NALCN: variants seen among roughly 807,000 people sequenced by gnomAD.
NALCN encodes the protein sodium leak channel NALCN.
NALCN carries 111 observed loss-of-function variants against 225.3 expected under a neutral mutation model. That is an observed-to-expected ratio of 0.49 (90% confidence interval 0.42 to 0.58). NALCN has a LOEUF of 0.58. NALCN is among the 20% of genes least tolerant of loss of function. The pLI, the probability that NALCN is intolerant of heterozygous loss-of-function variation, is 0.00. For synonymous variants in NALCN, 764 were observed against 769.0 expected (o/e 0.99, Z 0.11); for missense variants, 1,378 against 2,202.4 (o/e 0.63, Z 7.49).
intron 15 of NALCN, among the ~76,000 whole-genome samples, chr13:101,170,685 T>C (rs1388775489): frequency 2.0e-5 from 3 of 152,194 alleles, no homozygotes; most frequent in Non-Finnish European, 2.9e-5. Context: ...TATCCAACAC[T>C]ATGCAGTGGA....
chr13:101,262,037 C>G (rs1462736138), intron 10 of NALCN, among the ~76,000 whole-genome samples: 1 of 152,128 alleles, frequency 6.6e-6, no homozygotes, highest in Admixed American at 6.5e-5. Context: ...CCCAGTTTTG[C>G]TGAGGGGTTT....
chr13:101,380,575 A>G (rs1343829153), intron 3 of NALCN, among the ~76,000 whole-genome samples: 1 of 152,214 alleles, frequency 6.6e-6, no homozygotes, highest in African/African-American at 2.4e-5. Context: ...TCCTCTGATT[A>G]AACCTGCTAG....
At chr13:101,122,643 A>C (rs1401493168) in intron 18 of NALCN, among the ~76,000 whole-genome samples, 1 of 152,272 alleles carries the variant, frequency 6.6e-6, no homozygotes, top group Non-Finnish European at 1.5e-5. Flanking sequence ...GCTTGAAAAT[A>C]ATTTTAAGAA....
At chr13:101,153,771 T>TC (rs1271019679) in intron 15 of NALCN, among the ~76,000 whole-genome samples, 1 of 152,210 alleles carries the variant, frequency 6.6e-6, no homozygotes, top group East Asian at 1.9e-4. Context: ...CTTAGTTTTT[T>TC]CCCTTTAAAC....
intron 14 of NALCN, among the ~76,000 whole-genome samples, chr13:101,186,388 C>T (rs767919178): frequency 2.6e-5 from 4 of 152,102 alleles, no homozygotes; most frequent in Non-Finnish European, 5.9e-5. Flanking sequence ...AGGTTAGTAC[C>T]TGCACGTGGT....
At chr13:101,180,107 CT>C (rs2039132344) in intron 14 of NALCN, among the ~76,000 whole-genome samples, 3 of 151,692 alleles carry the variant, frequency 2.0e-5, no homozygotes, top group Non-Finnish European at 2.9e-5. Flanking sequence ...TGCAAAGACT[CT>C]TTTTCCAATA....
chr13:101,100,317 C>T (rs942275573), intron 27 of NALCN, among the ~76,000 whole-genome samples: 5 of 152,318 alleles, frequency 3.3e-5, no homozygotes, highest in East Asian at 1.9e-4. Context: ...CCAAAGCTTA[C>T]AGCTGTAAAC....
intron 11 of NALCN, among the ~76,000 whole-genome samples, chr13:101,240,249 G>T (rs1276749111): frequency 6.6e-6 from 1 of 151,678 alleles, no homozygotes; most frequent in Non-Finnish European, 1.5e-5. Flanking sequence ...TCATATCCAG[G>T]AATGCACTCT....
Position 101,374,338 on chromosome 13 carries a change from C to T in NALCN, c.644+2362G>A, listed in dbSNP as rs188169325. Among the ~76,000 whole-genome samples the T allele has an allele frequency of 2.6e-3, 383 of 145,184 alleles. 2 individuals carry two copies. Among genetic ancestry groups the T allele is most frequent in the Non-Finnish European group, 3.1e-3 (207 of 67,238 alleles). ...TGGTCCAGGCTGGAGTGCAGTGGCG[C>T]GATCTCAGCTCACTGCAACCTCCGC... is the stretch of plus-strand genomic sequence containing the variant. On this transcript the variant is annotated intron_variant, in intron 6 of 43. Coordinates refer to ENST00000251127, the MANE Select transcript of NALCN (RefSeq NM_052867.4).
At chr13:101,263,956 C>T (rs1485970466) in intron 10 of NALCN, among the ~76,000 whole-genome samples, 1 of 152,180 alleles carries the variant, frequency 6.6e-6, no homozygotes, top group East Asian at 1.9e-4. Context: ...GATGACATTA[C>T]ATTTAGATTC....
intron 7 of NALCN, among the ~76,000 whole-genome samples, chr13:101,322,378 G>A (rs1204535890): frequency 6.6e-6 from 1 of 152,176 alleles, no homozygotes; most frequent in Non-Finnish European, 1.5e-5. Context: ...ACATACACAT[G>A]CTAGGCTAAG....
chr13:101,181,410 TTGTG>T (rs934494599), intron 14 of NALCN: 24 of 495,100 alleles, frequency 4.8e-5, no homozygotes, highest in Admixed American at 4.8e-4. Flanking sequence ...CTGGGGCTTT[TTGTG>T]TGTGTGTTTT....
chr13:101,058,086 G>A lies in NALCN; in HGVS notation c.4906-30C>T, dbSNP rs200555899. The A allele has an allele frequency of 1.7e-4, 271 of 1,586,656 alleles. 1 individual carries two copies. Among genetic ancestry groups the A allele is most frequent in the Middle Eastern group, 1.5e-3 (9 of 5,984 alleles). ...ATGGGAGGAGAAGCACACAGTTACC[G>A]TCTTTTTAACCCTGCGCTCTCCTCC... On this transcript the variant is annotated intron_variant, in intron 42 of 43. Coordinates refer to ENST00000251127, the MANE Select transcript of NALCN (RefSeq NM_052867.4).
In NALCN at chr13:101,373,337, C is replaced by G. The variant is rs546963785; in HGVS notation, c.644+3363G>C. 2.6e-5 allele frequency among the ~76,000 whole-genome samples: 4 copies of G among 152,104 alleles called. No individual in the cohort carries two copies. The South Asian group carries it at 8.3e-4, about 32-fold the overall frequency. On this transcript the variant is annotated intron_variant, in intron 6 of 43. Coordinates refer to ENST00000251127, the MANE Select transcript of NALCN (RefSeq NM_052867.4). The stretch of plus-strand genomic sequence containing the variant: ...ACAGCATTACCCGGATTTCAAGACC[C>G]GGTAAAGATATTTCAATTTAAAAAA...
chr13:101,172,193 C>T (rs536319468), intron 15 of NALCN, among the ~76,000 whole-genome samples: 1 of 152,172 alleles, frequency 6.6e-6, no homozygotes, highest in African/African-American at 2.4e-5. Context: ...GCTTCTCTTC[C>T]AGGAGAACAC....
intron 13 of NALCN, among the ~76,000 whole-genome samples, chr13:101,210,598 G>C (rs1164911334): frequency 6.6e-6 from 1 of 152,126 alleles, no homozygotes; most frequent in East Asian, 1.9e-4. Context: ...TGGAATTGGG[G>C]ACTATTTTTA....
chr13:101,264,855 G>T (rs1420880401), intron 10 of NALCN, among the ~76,000 whole-genome samples: 2 of 152,092 alleles, frequency 1.3e-5, no homozygotes, highest in African/African-American at 4.8e-5. Flanking sequence ...AATCTGTTTG[G>T]CTTCATAAAA....
At chr13:101,217,920 G>A (rs2040801114) in intron 13 of NALCN, among the ~76,000 whole-genome samples, 1 of 152,130 alleles carries the variant, frequency 6.6e-6, no homozygotes, top group South Asian at 2.1e-4. Flanking sequence ...TACAAACCTT[G>A]TTTGCATGGG....
chr13:101,343,571 GC>G (rs1387415739), intron 7 of NALCN, among the ~76,000 whole-genome samples: 2 of 152,234 alleles, frequency 1.3e-5, no homozygotes, highest in East Asian at 3.8e-4. Context: ...GCCAGGCATA[GC>G]CCTGTGCCCT....
Sources: gnomAD v4.1 joint callset for allele counts (sites outside exome capture counted in the v4.1 genomes callset) on GRCh38, gnomAD v4.1.1 for gene constraint, MANE v1.5 for transcripts, NCBI Gene and HGNC (gene_info 2026-07-23, HGNC 2026-07-21) for gene names.